KISS1R: variants seen among roughly 807,000 people sequenced by gnomAD.
The protein encoded by KISS1R is KISS1 receptor.
Under a neutral mutation model 22.0 loss-of-function variants are expected in KISS1R, and 19 were observed. That is an observed-to-expected ratio of 0.86 (90% confidence interval 0.60 to 1.26). The LOEUF (loss-of-function observed/expected upper bound fraction) is 1.26, where lower values mean the gene tolerates loss of function less well. KISS1R is among the 50% of genes most tolerant of loss of function. The probability of loss-of-function intolerance (pLI) is 0.00; values close to 1 mark genes in which losing one functional copy is unlikely to be tolerated. For synonymous variants in KISS1R, 302 were observed against 283.9 expected (o/e 1.06, Z -0.64); for missense variants, 653 against 581.9 (o/e 1.12, Z -1.26).
chr19:917,640 G>T lies in KISS1R; in HGVS notation c.138G>T (p.Pro46=). 1 of 1,585,942 alleles carries T rather than the reference G, an allele frequency of 6.3e-7. No homozygotes were observed. Among genetic ancestry groups the T allele is most frequent in the Non-Finnish European group, 8.6e-7 (1 of 1,168,300 alleles). ...SPRAVDAWLV[P]LFFAALMLLG... is the part of the protein sequence containing the mutation. ...GGGCCGTGGACGCCTGGCTCGTGCC[G>T]CTCTTCTTCGCGGCGCTGATGCTGC... Residue 46 remains proline (P), a synonymous_variant, in exon 1 of 5, where the codon CCG becomes CCT. Coordinates refer to ENST00000234371, the MANE Select transcript of KISS1R (RefSeq NM_032551.5).
rs2037065382 is a variant in KISS1R at position 917,486 on chromosome 19, A to G, written c.-17A>G. 4 of 1,449,076 alleles carry G rather than the reference A, an allele frequency of 2.8e-6. No homozygotes were observed. Among genetic ancestry groups the G allele is most frequent in the African/African-American group, 1.5e-5 (1 of 67,414 alleles). The allele number at this position is 1,449,076 out of a possible 1,614,324, so 89.8% of individuals were successfully genotyped here. On this transcript the variant is annotated 5_prime_UTR_variant, in exon 1 of 5. Coordinates refer to ENST00000234371, the MANE Select transcript of KISS1R (RefSeq NM_032551.5). ...GCAATCCTGGAGGGCGGCCGGGAGG[A>G]GGAGGTGCGCGCGGCCATGCACACC...
intron 2 of KISS1R, among the ~76,000 whole-genome samples, 197 bp from the exon 3 acceptor site, chr19:919,293 A>G (rs1056955584): frequency 1.3e-5 from 2 of 151,798 alleles, no homozygotes; most frequent in African/African-American, 4.8e-5. Flanking sequence ...GGGCTCCCTC[A>G]CTTCCCCAAT....
Position 920,311 on chromosome 19 carries a change from G to A in KISS1R, c.760G>A (p.Ala254Thr). 2 of 1,570,036 alleles carry A rather than the reference G, an allele frequency of 1.3e-6. No individual in the cohort carries two copies. Among genetic ancestry groups the A allele is most frequent in the Non-Finnish European group, 8.6e-7 (1 of 1,166,564 alleles). Reference protein sequence around the residue: ...ALQGQVLAERAGAVRAKVSRL... With the variant: ...ALQGQVLAERTGAVRAKVSRL... ...CCAGGGGCAGGTGCTGGCAGAGCGC[G>A]CAGGCGCCGTGCGGGCCAAGGTCTC... Residue 254 changes from alanine (A) to threonine (T), a missense_variant, in exon 5 of 5, where the codon GCA becomes ACA. Transcript: ENST00000234371.
Position 919,473 on chromosome 19 carries a change from G to T in KISS1R, c.370-17G>T. ...AACCGCGCAGGTGGCCACACGCCCG[G>T]CTGGCGGCTCCCGCAGGTCTCGGTG... On this transcript the variant is annotated splice_polypyrimidine_tract_variant and intron_variant, in intron 2 of 4. Transcript: ENST00000234371. 6.5e-7 allele frequency: 1 copy of T among 1,543,470 alleles called. No individual in the cohort carries two copies. The highest frequency in any genetic ancestry group is 8.7e-7 in the Non-Finnish European group (1 of 1,150,840).
In KISS1R at chr19:920,773, G is replaced by GCTCC; in HGVS notation, c.*29_*32dup. ...AGCGGACCCGGTGGGAATCCGAGCG[G>GCTCC]CTCCCTCGGGAGCGGGGACTGCTGG... On this transcript the variant is annotated 3_prime_UTR_variant, in exon 5 of 5. Coordinates refer to ENST00000234371, the MANE Select transcript of KISS1R (RefSeq NM_032551.5). The GCTCC allele has an allele frequency of 7.9e-7, 1 of 1,262,408 alleles. No individual in the cohort carries two copies. The highest frequency in any genetic ancestry group is 3.4e-5 in the South Asian group (1 of 29,198). 78.2% of individuals were successfully genotyped at this position (1,262,408 alleles called of 1,614,324 possible). A position where few individuals can be genotyped will look rare whatever the true frequency, so the allele number is the denominator to read the frequency against.
intron 3 of KISS1R, 53 bp from the exon 4 acceptor site, chr19:919,821 G>C (rs1377272306): frequency 4.6e-6 from 7 of 1,514,324 alleles, no homozygotes; most frequent in Non-Finnish European, 6.2e-6. Context: ...GGGGAGGCAC[G>C]TGGGGGACCG....
Position 920,870 on chromosome 19 carries a change from C to T in KISS1R, c.*122C>T, listed in dbSNP as rs1045235438. ...ATCAACTGTGGAAATATTTTGGTCT[C>T]TTGTGACGTTCGGTGCAGTTTCGTT... On this transcript the variant is annotated 3_prime_UTR_variant, in exon 5 of 5. Coordinates refer to ENST00000234371, the MANE Select transcript of KISS1R (RefSeq NM_032551.5). 25 of 1,142,866 alleles carry T rather than the reference C, an allele frequency of 2.2e-5. No individual in the cohort carries two copies. The highest frequency in any genetic ancestry group is 2.7e-5 in the Non-Finnish European group (25 of 909,768). The allele number at this position is 1,142,866 out of a possible 1,614,324, so 70.8% of individuals were successfully genotyped here. A position where few individuals can be genotyped will look rare whatever the true frequency, so the allele number is the denominator to read the frequency against.
At position 920,457 on chromosome 19, in the gene KISS1R, C is replaced by T. The variant is rs771534661; in HGVS notation, c.906C>T (p.Tyr302=). The T allele has an allele frequency of 1.4e-4, 229 of 1,610,842 alleles. No homozygotes were observed. Among genetic ancestry groups the T allele is most frequent in the Non-Finnish European group, 1.9e-4 (226 of 1,179,178 alleles). The change falls in exon 5 of 5, where the codon TAC becomes TAT. Residue 302 remains tyrosine, a synonymous_variant. Transcript: ENST00000234371. ...GGCACCCACGCAGCTACGCCGCCTA[C>T]GCGCTTAAGACCTGGGCTCACTGCA... ...GSWHPRSYAA[Y]ALKTWAHCMS...
At chr19:918,709 C>T (rs1253457500) in intron 2 of KISS1R, 41 bp downstream of exon 2, 2 of 1,310,770 alleles carry the variant, frequency 1.5e-6, no homozygotes, top group African/African-American at 1.6e-5. Context: ...CACTTGGGGA[C>T]GGGCGGGGGT....
At position 919,961 on chromosome 19, in the gene KISS1R, G is replaced by A; in HGVS notation, c.593G>A (p.Arg198His). 6.4e-7 allele frequency: 1 copy of A among 1,570,420 alleles called. No homozygotes were observed. Among genetic ancestry groups the A allele is most frequent in the Non-Finnish European group, 8.6e-7 (1 of 1,161,078 alleles). The change falls in exon 4 of 5, where the codon CGC becomes CAC. Residue 198 changes from arginine to histidine, a missense_variant. By Grantham distance (29) the Arg-to-His change is conservative. Transcript: ENST00000234371. ...RAYCSEAFPS[R>H]ALERAFALYN... ...TACTGCAGTGAGGCCTTCCCCAGCC[G>A]CGCCCTGGAGCGCGCCTTCGCACTG...
rs754657430 is a variant in KISS1R at position 920,534 on chromosome 19, C to A, written c.983C>A (p.Ser328Ter). 4 of 1,597,088 alleles carry A rather than the reference C, an allele frequency of 2.5e-6. No homozygotes were observed. The African/African-American group carries it at 4.1e-5, about 17-fold the overall frequency. ...CCGCTGCTCTACGCCTTCCTGGGCT[C>A]GCACTTCCGACAGGCCTTCCGCCGC... ...LNPLLYAFLG[S>*]HFRQAFRRVC... The change falls in exon 5 of 5, where the codon TCG (serine) becomes TAG (stop). Residue 328 changes from serine (S) to a stop codon, truncating the protein, a stop_gained. Coordinates refer to ENST00000234371, the MANE Select transcript of KISS1R (RefSeq NM_032551.5). LOFTEE classifies it low-confidence loss of function (END_TRUNC).
rs1273866631 is a variant in KISS1R, at chr19:917,689, G to T, written c.187G>T (p.Val63Phe). Residue 63 changes from valine (V) to phenylalanine (F), a missense_variant, in exon 1 of 5, where the codon GTC becomes TTC. By Grantham distance (50) the Val-to-Phe change is conservative (BLOSUM62 -1). Transcript: ENST00000234371. The stretch of plus-strand genomic sequence containing the variant: ...GCTGGGCCTGGTGGGGAACTCGCTG[G>T]TCATCTACGTCATCTGCCGCCACAA... Reference protein sequence around the residue: ...MLLGLVGNSLVIYVICRHKPM... With the variant: ...MLLGLVGNSLFIYVICRHKPM... 1.3e-6 allele frequency: 2 copies of T among 1,595,778 alleles called. No homozygotes were observed. The highest frequency in any genetic ancestry group is 1.7e-6 in the Non-Finnish European group (2 of 1,172,670).
chr19:917,641 CTCT>C lies in KISS1R; in HGVS notation c.145_147del (p.Phe49del). The C allele has an allele frequency of 6.3e-7, 1 of 1,587,022 alleles. No homozygotes were observed. The highest frequency in any genetic ancestry group is 1.1e-5 in the South Asian group (1 of 87,950). ...GGCCGTGGACGCCTGGCTCGTGCCG[CTCT>C]TCTTCGCGGCGCTGATGCTGCTGGG... is the stretch of plus-strand genomic sequence containing the variant. On this transcript the variant is annotated inframe_deletion, in exon 1 of 5. Coordinates refer to ENST00000234371, the MANE Select transcript of KISS1R (RefSeq NM_032551.5).
chr19:919,043 G>T (rs1390792484), intron 2 of KISS1R, among the ~76,000 whole-genome samples: 1 of 150,826 alleles, frequency 6.6e-6, no homozygotes, highest in South Asian at 2.1e-4. Context: ...CGGACCTTGG[G>T]CGGGGCGCGA....
In KISS1R at chr19:919,615, C is replaced by T; in HGVS notation, c.495C>T (p.Ser165=). ...GCCTGGCGCTGGCTGTCAGCCTCAG[C>T]ATCTGGGTAGGTGAGTACAGCTCAG... ...TPRLALAVSL[S]IWVGSAAVSA... Residue 165 remains serine, a synonymous_variant, in exon 3 of 5, where the codon AGC becomes AGT. Coordinates refer to ENST00000234371, the MANE Select transcript of KISS1R (RefSeq NM_032551.5). 6.4e-7 allele frequency: 1 copy of T among 1,553,040 alleles called. No individual in the cohort carries two copies. Among genetic ancestry groups the T allele is most frequent in the South Asian group, 1.2e-5 (1 of 84,852 alleles).
At chr19:918,956 G>A (rs979264587) in intron 2 of KISS1R, among the ~76,000 whole-genome samples, 1 of 147,404 alleles carries the variant, frequency 6.8e-6, no homozygotes, top group South Asian at 2.2e-4. Context: ...GCGCACGTGG[G>A]GACGAGGAGA....
intron 2 of KISS1R, among the ~76,000 whole-genome samples, chr19:919,008 G>T (rs1380199184): frequency 1.3e-5 from 2 of 149,740 alleles, no homozygotes; most frequent in Non-Finnish European, 3.0e-5. Flanking sequence ...ATGTGGGGAG[G>T]GGGAGCCCAC....
At chr19:919,339 G>A (rs1198574879) in intron 2 of KISS1R, 151 bp from the exon 3 acceptor site, 3 of 1,143,348 alleles carry the variant, frequency 2.6e-6, no homozygotes, top group East Asian at 2.6e-5. Context: ...CCCACCTTCT[G>A]TCCCCTCAAC....
Position 918,590 on chromosome 19 carries a change from C to T in KISS1R, c.291C>T (p.Pro97=), listed in dbSNP as rs150594098. ...TDVTFLLCCV[P]FTALLYPLPG... ...TGACCTTCCTCCTGTGCTGCGTCCC[C>T]TTCACGGCCCTGCTGTACCCGCTGC... is the stretch of plus-strand genomic sequence containing the variant. Residue 97 remains proline (P), a synonymous_variant, in exon 2 of 5, where the codon CCC becomes CCT. Transcript: ENST00000234371. 1,532 of 1,551,620 alleles carry T rather than the reference C, an allele frequency of 9.9e-4. 4 individuals are homozygous for T. The highest frequency in any genetic ancestry group is 1.1e-3 in the Non-Finnish European group (1,258 of 1,147,308).
Sources: gnomAD v4.1 joint callset for allele counts (sites outside exome capture counted in the v4.1 genomes callset) on GRCh38, gnomAD v4.1.1 for gene constraint, MANE v1.5 for transcripts, NCBI Gene and HGNC (gene_info 2026-07-23, HGNC 2026-07-21) for gene names.